Variants in ERCC2 observed in about 807,000 individuals in gnomAD.
ERCC2 encodes the protein general transcription and DNA repair factor IIH helicase subunit XPD.
ERCC2 carries 90 observed loss-of-function variants against 99.4 expected under a neutral mutation model. That is an observed-to-expected ratio of 0.91 (90% CI 0.76 to 1.08). The LOEUF (loss-of-function observed/expected upper bound fraction) is 1.08. Ranked by LOEUF, ERCC2 falls within the 50% of genes least tolerant of loss-of-function variation. The pLI is 0.00. For missense variants in ERCC2, 993 were observed against 1,038.1 expected (o/e 0.96, Z 0.60); for synonymous variants, 497 against 432.4 (o/e 1.15, Z -1.85).
In ERCC2 at chr19:45,351,364, G is replaced by A. The variant is rs771627144; in HGVS notation, c.*265C>T. ...GGACCTGAGCCCCCACTAACGTCCAGTGAACTGCGCTGGCCGCAGCTTCTT... is the reference window on the plus strand; with the variant it reads ...GGACCTGAGCCCCCACTAACGTCCAATGAACTGCGCTGGCCGCAGCTTCTT... On this transcript the variant is annotated 3_prime_UTR_variant, in exon 23 of 23. Transcript: ENST00000391945. 3 of 1,610,002 alleles carry A rather than the reference G, an allele frequency of 1.9e-6. No homozygotes were observed. The highest frequency in any genetic ancestry group is 2.5e-6 in the Non-Finnish European group (3 of 1,179,986).
rs1423806792 is a variant in ERCC2, at chr19:45,364,061, G to A, written c.874C>T (p.Leu292=). 1.9e-6 allele frequency: 3 copies of A among 1,581,164 alleles called. No homozygotes were observed. The highest frequency in any genetic ancestry group is 2.6e-6 in the Non-Finnish European group (3 of 1,164,398). Residue 292 remains leucine (L), a synonymous_variant, in exon 10 of 23, where the codon CTG becomes TTG. Coordinates refer to ENST00000391945, the MANE Select transcript of ERCC2 (RefSeq NM_000400.4). ...RDEYRRLVEG[L]REASAARETD... ...TCCCGGGCGGCGCTGGCCTCCCGCA[G>A]CCCCTCCACCAGACGCCGGTACTCG...
At chr19:45,363,482 C>T (rs1299357804) in intron 11 of ERCC2, among the ~76,000 whole-genome samples, 2 of 152,208 alleles carry the variant, frequency 1.3e-5, no homozygotes, top group African/African-American at 2.4e-5. Context: ...AATGGTGCTC[C>T]CACTCTCTCT....
rs1568541552 is a variant in ERCC2 at position 45,363,766 on chromosome 19, C to CA, written c.1094dup (p.Cys366ValfsTer12). The stretch of plus-strand genomic sequence containing the variant: ...ACCTGAGGGGCTTGCGCTGGATGCA[C>CA]ACGCGCTGGGCCAGGCCGCTCAGGA... On this transcript the variant is annotated frameshift_variant, in exon 11 of 23. Coordinates refer to ENST00000391945, the MANE Select transcript of ERCC2 (RefSeq NM_000400.4). LOFTEE classifies it high-confidence loss of function. The CA allele has an allele frequency of 5.2e-6, 8 of 1,536,592 alleles. No homozygotes were observed. The highest frequency in any genetic ancestry group is 7.0e-6 in the Non-Finnish European group (8 of 1,147,732).
chr19:45,358,809 G>C (rs888896095), intron 12 of ERCC2: 6 of 779,976 alleles, frequency 7.7e-6, no homozygotes, highest in African/African-American at 1.7e-5. Context: ...TTGTTTATTT[G>C]GCTGCATCTT....
In ERCC2 at chr19:45,350,349, C is replaced by T; in HGVS notation, c.*1280G>A. 1 of 1,613,520 alleles carries T rather than the reference C, an allele frequency of 6.2e-7. No individual in the cohort carries two copies. Among genetic ancestry groups the T allele is most frequent in the Non-Finnish European group, 8.5e-7 (1 of 1,179,948 alleles). On this transcript the variant is annotated 3_prime_UTR_variant, in exon 23 of 23. Transcript: ENST00000391945. ...CACTCCCTTCTCCGCAGGCCTCAGCCTACCTGAAACAGAACAAGTATCAAC... is the reference window on the plus strand; with the variant it reads ...CACTCCCTTCTCCGCAGGCCTCAGCTTACCTGAAACAGAACAAGTATCAAC...
chr19:45,363,664 G>T, intron 11 of ERCC2, 79 bp downstream of exon 11: 1 of 1,432,096 alleles, frequency 7.0e-7, no homozygotes, highest in Non-Finnish European at 9.3e-7. Context: ...GGTGACCTGG[G>T]GCTACAGGCG....
intron 20 of ERCC2, 25 bp from the exon 21 acceptor site, chr19:45,352,674 T>TGGGGAGGTG (rs1203776049): frequency 6.2e-7 from 1 of 1,613,772 alleles, no homozygotes. Context: ...GATGAGAAGC[T>TGGGGAGGTG]GGGGAGGTGG....
intron 4 of ERCC2, 65 bp from the exon 5 acceptor site, chr19:45,368,808 A>C: frequency 6.4e-7 from 1 of 1,555,186 alleles, no homozygotes; most frequent in South Asian, 1.1e-5. Context: ...CTGCCCTGCC[A>C]GGTCCCAGTC....
rs1376790372 is a variant in ERCC2, at chr19:45,352,792, A to T, written c.1856T>A (p.Ile619Asn). The T allele has an allele frequency of 6.2e-7, 1 of 1,606,882 alleles. No individual in the cohort carries two copies. Among genetic ancestry groups the T allele is most frequent in the South Asian group, 1.1e-5 (1 of 90,700 alleles). Reference protein sequence around the residue: ...DFVHHYGRAVIMFGVPYVYTQ... With the variant: ...DFVHHYGRAVNMFGVPYVYTQ... The stretch of plus-strand genomic sequence containing the variant: ...GTAGACGTAGGGGACGCCAAACATG[A>T]TGACGGCCCGCCCGTAGTGGTGCAC... Residue 619 changes from isoleucine to asparagine, a missense_variant, in exon 20 of 23, where the codon ATC (isoleucine) becomes AAC (asparagine). Transcript: ENST00000391945.
chr19:45,370,418 C>T lies in ERCC2; in HGVS notation c.5+118G>A, dbSNP rs369030564. ...CACTGCTGCTCCCTGCGGCTGCCCCCGTCCCACCCCTTCACCCTCCCCTCG... is the reference window on the plus strand; with the variant it reads ...CACTGCTGCTCCCTGCGGCTGCCCCTGTCCCACCCCTTCACCCTCCCCTCG... On this transcript the variant is annotated intron_variant, in intron 1 of 22. Coordinates refer to ENST00000391945, the MANE Select transcript of ERCC2 (RefSeq NM_000400.4). The T allele has an allele frequency of 1.8e-3, 2,673 of 1,499,328 alleles. 4 individuals carry two copies. Among genetic ancestry groups the T allele is most frequent in the Non-Finnish European group, 2.2e-3 (2,518 of 1,123,682 alleles). 92.9% of individuals were successfully genotyped at this position (1,499,328 alleles called of 1,614,324 possible).
Position 45,351,061 on chromosome 19 carries a change from T to C in ERCC2, c.*568A>G. Reference sequence around the variant, plus strand: ...TCAAAAATAGAGGAGGCCATGTGGGTAGGTGCAGAGATGAGGCAAAGGCAG... The same window carrying C: ...TCAAAAATAGAGGAGGCCATGTGGGCAGGTGCAGAGATGAGGCAAAGGCAG... On this transcript the variant is annotated 3_prime_UTR_variant, in exon 23 of 23. Transcript: ENST00000391945. 1 of 1,613,636 alleles carries C rather than the reference T, an allele frequency of 6.2e-7. No homozygotes were observed. Among genetic ancestry groups the C allele is most frequent in the Non-Finnish European group, 8.5e-7 (1 of 1,179,876 alleles).
chr19:45,358,753 A>C (rs1972102815), intron 12 of ERCC2: 1 of 751,660 alleles, frequency 1.3e-6, no homozygotes, highest in East Asian at 2.5e-5. Flanking sequence ...CCAACACAAC[A>C]ATGTATTTTT....
chr19:45,360,662 GCCACCATGTCTGGCC>G (rs113066995), intron 12 of ERCC2, among the ~76,000 whole-genome samples: 96,039 of 151,900 alleles, frequency 0.63, 31,985 homozygotes, highest in African/African-American at 0.86. Flanking sequence ...ATGGGCGTGA[GCCACCATGTCTGGCC>G]CCAGCTAATT....
intron 7 of ERCC2, 75 bp downstream of exon 7, chr19:45,364,763 A>G: frequency 1.5e-6 from 2 of 1,307,672 alleles, no homozygotes; most frequent in East Asian, 2.3e-5. Flanking sequence ...ACAGACAGAC[A>G]TGGGCAGACA....
chr19:45,349,922 T>C lies in ERCC2; in HGVS notation c.*1707A>G, dbSNP rs1971636034. On this transcript the variant is annotated 3_prime_UTR_variant, in exon 23 of 23. Transcript: ENST00000391945. ...ACATCGCTAGTTCTTATAGCGTCCC[T>C]ATGAGGTGGGAGCTGTCGCTCCACT... 8 of 428,864 alleles carry C rather than the reference T, an allele frequency of 1.9e-5. No individual in the cohort carries two copies. Among genetic ancestry groups the C allele is most frequent in the Non-Finnish European group, 3.3e-5 (8 of 239,134 alleles). 26.6% of individuals were successfully genotyped at this position (428,864 alleles called of 1,614,324 possible).
At chr19:45,352,960 A>AGGGCC in intron 19 of ERCC2, 123 bp downstream of exon 19, 1 of 1,202,680 alleles carries the variant, frequency 8.3e-7, no homozygotes, top group Non-Finnish European at 1.2e-6. Flanking sequence ...AGGGGAGGGG[A>AGGGCC]GGGCCCCTCT....
chr19:45,355,505 C>A (rs1174171421), intron 16 of ERCC2, among the ~76,000 whole-genome samples, 160 bp downstream of exon 16: 1 of 152,220 alleles, frequency 6.6e-6, no homozygotes, highest in Non-Finnish European at 1.5e-5. Context: ...CAGGGCAGGC[C>A]CCTACCAGCT....
At position 45,351,621 on chromosome 19, in the gene ERCC2, C is replaced by CGCCCCACCT; in HGVS notation, c.*7_*8insAGGTGGGGC. The CGCCCCACCT allele has an allele frequency of 6.2e-7, 1 of 1,613,734 alleles. No homozygotes were observed. Among genetic ancestry groups the CGCCCCACCT allele is most frequent in the Non-Finnish European group, 8.5e-7 (1 of 1,179,846 alleles). On this transcript the variant is annotated 3_prime_UTR_variant, in exon 23 of 23. Coordinates refer to ENST00000391945, the MANE Select transcript of ERCC2 (RefSeq NM_000400.4). ...ACCAGGAACCGTTTATGGCCCCACC[C>CGCCCCACCT]GCCCCACTCAGAGCTGCTGAGCAAT...
rs1236941342 is a variant in ERCC2, at chr19:45,368,726, T to G, written c.264A>C (p.Arg88=). The part of the protein sequence containing the change: ...PEIEKVIEEL[R]KLLNFYEKQE... ...GCTTCTCATAGAAGTTGAGCAACTTTCGAAGCTCTTCAATCACCTACTCCA... is the reference window on the plus strand; with the variant it reads ...GCTTCTCATAGAAGTTGAGCAACTTGCGAAGCTCTTCAATCACCTACTCCA... Residue 88 remains arginine (R), a synonymous_variant, in exon 5 of 23, where the codon CGA becomes CGC. Transcript: ENST00000391945. 1 of 1,613,150 alleles carries G rather than the reference T, an allele frequency of 6.2e-7. No individual in the cohort carries two copies. Among genetic ancestry groups the G allele is most frequent in the South Asian group, 1.1e-5 (1 of 90,938 alleles).
Sources: allele counts gnomAD v4.1 joint callset (sites outside exome capture counted in the v4.1 genomes callset), GRCh38; gene constraint gnomAD v4.1.1; transcripts MANE v1.5; gene names NCBI Gene and HGNC (gene_info 2026-07-23, HGNC 2026-07-21).